CRYM: variants seen among roughly 807,000 people sequenced by gnomAD.
The protein encoded by CRYM is ketimine reductase mu-crystallin.
CRYM carries 18 observed loss-of-function variants against 32.9 expected under a neutral mutation model. The observed-to-expected ratio is 0.55, with a 90% CI of 0.38 to 0.81. The LOEUF (loss-of-function observed/expected upper bound fraction) is 0.81. Ranked by LOEUF, CRYM falls within the 30% of genes least tolerant of loss-of-function variation. The pLI is 0.00. For missense variants in CRYM, 337 were observed against 393.5 expected (o/e 0.86, Z 1.21); for synonymous variants, 153 against 152.4 (o/e 1.00, Z -0.03).
At chr16:21,295,176 G>A (rs1960762310) in intron 1 of CRYM, among the ~76,000 whole-genome samples, 1 of 152,164 alleles carries the variant, frequency 6.6e-6, no homozygotes, top group African/African-American at 2.4e-5. Flanking sequence ...TCCTTTGGGT[G>A]TATGCCCAGT....
chr16:21,293,057 A>AGATAGATG (rs1463716717), intron 1 of CRYM, among the ~76,000 whole-genome samples: 1 of 151,756 alleles, frequency 6.6e-6, no homozygotes, highest in African/African-American at 2.4e-5. Flanking sequence ...ATAGATAGAT[A>AGATAGATG]GAATAAGATA....
intron 1 of CRYM, among the ~76,000 whole-genome samples, chr16:21,293,340 T>C (rs1021157156): frequency 1.3e-5 from 2 of 152,030 alleles, no homozygotes; most frequent in Admixed American, 1.3e-4. Context: ...GAAAAGCAAA[T>C]CTGAGTGCTA....
chr16:21,283,971 G>A (rs1309096948), intron 1 of CRYM: 4 of 152,658 alleles, frequency 2.6e-5, no homozygotes, highest in Admixed American at 6.5e-5. Flanking sequence ...TGAGCAGTGA[G>A]TGCTCGGGAG....
At chr16:21,292,510 C>T (rs757195096) in intron 1 of CRYM, among the ~76,000 whole-genome samples, 23 of 152,188 alleles carry the variant, frequency 1.5e-4, no homozygotes, top group South Asian at 1.0e-3. Flanking sequence ...TTGATTTATA[C>T]GCTCAAAACA....
intron 4 of CRYM, 23 bp downstream of exon 4, chr16:21,269,767 C>G: frequency 2.3e-5 from 13 of 574,182 alleles, no homozygotes; most frequent in Middle Eastern, 4.3e-4. Flanking sequence ...CCTCTTCTCT[C>G]CCACCCCCAC....
At chr16:21,302,550 A>G (rs767795635) in intron 1 of CRYM, among the ~76,000 whole-genome samples, 2 of 152,224 alleles carry the variant, frequency 1.3e-5, no homozygotes, top group African/African-American at 2.4e-5. Flanking sequence ...CTGCTGAAAC[A>G]AAGTGGGGCA....
intron 1 of CRYM, among the ~76,000 whole-genome samples, chr16:21,295,493 T>G (rs189538107): frequency 2.6e-5 from 4 of 152,366 alleles, no homozygotes; most frequent in Admixed American, 2.0e-4. Flanking sequence ...GTCTGTCATA[T>G]CCCTTGCTCA....
At chr16:21,269,766 T>TTCCACCCCCCC in intron 4 of CRYM, 24 bp downstream of exon 4, 3 of 690,474 alleles carry the variant, frequency 4.3e-6, no homozygotes, top group South Asian at 1.4e-5. Context: ...CCCTCTTCTC[T>TTCCACCCCCCC]CCCACCCCCA....
chr16:21,275,494 C>T, intron 3 of CRYM, 38 bp downstream of exon 3: 2 of 1,587,870 alleles, frequency 1.3e-6, no homozygotes, highest in Middle Eastern at 1.7e-4. Flanking sequence ...CCCCACTTGA[C>T]AGCTCACCTT....
At chr16:21,291,127 G>C (rs1960641984) in intron 1 of CRYM, among the ~76,000 whole-genome samples, 1 of 152,084 alleles carries the variant, frequency 6.6e-6, no homozygotes, top group Admixed American at 6.5e-5. Flanking sequence ...TTGTTATCCT[G>C]GGACAGTTCA....
intron 1 of CRYM, among the ~76,000 whole-genome samples, chr16:21,296,053 T>G (rs1233904968): frequency 2.0e-5 from 3 of 152,178 alleles, no homozygotes; most frequent in Admixed American, 6.5e-5. Context: ...ATAATTGAAC[T>G]CCATAGAAAA....
At chr16:21,266,900 G>A (rs1483769557) in intron 5 of CRYM, among the ~76,000 whole-genome samples, 5 of 151,678 alleles carry the variant, frequency 3.3e-5, no homozygotes, top group African/African-American at 1.2e-4. Context: ...CCAGCTACTC[G>A]GGAGGCTGAA....
At chr16:21,279,154 CAAT>C (rs1169002112), upstream of CRYM, among the ~76,000 whole-genome samples, 2 of 152,090 alleles carry the variant, frequency 1.3e-5, no homozygotes, top group Admixed American at 1.3e-4. Flanking sequence ...GTGACGACAA[CAAT>C]GATAACATCA....
rs773515002 is a variant in CRYM at position 21,269,783 on chromosome 16, G to A, written c.489+7C>T. On this transcript the variant is annotated splice_region_variant and intron_variant, in intron 4 of 7. Transcript: ENST00000572914. ...CTCTTCTCTCCCACCCCCACCCCTG[G>A]ACTTACCTCCTTAAAGGAGAACTGC... is the stretch of plus-strand genomic sequence containing the variant. 4 of 1,197,822 alleles carry A rather than the reference G, an allele frequency of 3.3e-6. No individual in the cohort carries two copies. The highest frequency in any genetic ancestry group is 4.9e-6 in the Non-Finnish European group (4 of 822,168). 74.2% of individuals were successfully genotyped at this position (1,197,822 alleles called of 1,614,324 possible). A position where few individuals can be genotyped will look rare whatever the true frequency, so the allele number is the denominator to read the frequency against.
chr16:21,260,045 G>A lies in CRYM; in HGVS notation c.881-1200C>T, dbSNP rs11859085. 3.7e-3 allele frequency among the ~76,000 whole-genome samples: 564 copies of A among 152,262 alleles called. 4 individuals carry two copies. The highest frequency in any genetic ancestry group is 0.013 in the African/African-American group (522 of 41,552). On this transcript the variant is annotated intron_variant, in intron 7 of 7. Coordinates refer to ENST00000572914, the MANE Select transcript of CRYM (RefSeq NM_001376256.1). ...CTCCAGATAAAATTGTATTGCCTTT[G>A]TCTTCCAGTGCATGAGAGATTTTAA...
In CRYM at chr16:21,278,128, C is replaced by A; in HGVS notation, c.124G>T (p.Val42Phe). 1 of 1,549,886 alleles carries A rather than the reference C, an allele frequency of 6.5e-7. No homozygotes were observed. The highest frequency in any genetic ancestry group is 1.2e-5 in the South Asian group (1 of 84,080). ...ACCACGGTGCGCACGGGCTGCATGA[C>A]CCCTCCTTCGGGACCGCTGGAGAAG... ...ANFSSGPEGG[V>F]MQPVRTVVPV... The change falls in exon 1 of 8, where the codon GTC becomes TTC. Residue 42 changes from valine (V) to phenylalanine (F), a missense_variant. Transcript: ENST00000572914.
chr16:21,278,494 T>C, upstream of CRYM: 1 of 592,208 alleles, frequency 1.7e-6, no homozygotes, highest in East Asian at 2.8e-5. Flanking sequence ...GACATCGCGG[T>C]GGCGTGCTGG....
intron 1 of CRYM, among the ~76,000 whole-genome samples, chr16:21,298,509 T>C (rs145295732): frequency 2.5e-4 from 38 of 152,238 alleles, no homozygotes; most frequent in African/African-American, 8.7e-4. Context: ...CCAAACATAA[T>C]ATTGAGTGAA....
chr16:21,272,075 C>A (rs1324132641), intron 3 of CRYM, among the ~76,000 whole-genome samples: 1 of 150,512 alleles, frequency 6.6e-6, no homozygotes, highest in Non-Finnish European at 1.5e-5. Context: ...GTTGGCCAGG[C>A]TGGTCTCGAA....
Sources: gnomAD v4.1 joint callset for allele counts (sites outside exome capture counted in the v4.1 genomes callset) on GRCh38, gnomAD v4.1.1 for gene constraint, MANE v1.5 for transcripts, NCBI Gene and HGNC (gene_info 2026-07-23, HGNC 2026-07-21) for gene names.